Variants in NUBPL observed in about 807,000 individuals in gnomAD.
NUBPL encodes the protein NUBP iron-sulfur cluster assembly factor, mitochondrial.
NUBPL carries 31 observed loss-of-function variants against 45.7 expected under a neutral mutation model. That is an observed-to-expected ratio of 0.68 (90% CI 0.51 to 0.92). The LOEUF (loss-of-function observed/expected upper bound fraction) is 0.92. NUBPL is among the 40% of genes least tolerant of loss of function. The pLI is 0.00. For synonymous variants in NUBPL, 144 were observed against 140.9 expected, an observed-to-expected ratio of 1.02 and a Z score of -0.15; for missense variants, 401 against 398.7, an observed-to-expected ratio of 1.01 and a Z score of -0.05.
intron 4 of NUBPL, among the ~76,000 whole-genome samples, chr14:31,627,032 ATT>A (rs2035222196): frequency 6.6e-6 from 1 of 152,194 alleles, no homozygotes; most frequent in Non-Finnish European, 1.5e-5. Flanking sequence ...GGGAGGAGCT[ATT>A]GGTAGTTGTT....
intron 3 of NUBPL, among the ~76,000 whole-genome samples, chr14:31,567,120 A>G (rs2033455530): frequency 6.6e-6 from 1 of 152,196 alleles, no homozygotes; most frequent in Non-Finnish European, 1.5e-5. Context: ...ATAAAATTCC[A>G]GGTTCAAAAT....
intron 4 of NUBPL, among the ~76,000 whole-genome samples, chr14:31,616,181 A>ATTAAGAAAACCC (rs1368728019): frequency 1.3e-5 from 2 of 152,226 alleles, no homozygotes; most frequent in African/African-American, 2.4e-5. Context: ...GATTCTGCAT[A>ATTAAGAAAACCC]TTAGCCCTTT....
chr14:31,817,795 A>T (rs940760356), intron 7 of NUBPL, among the ~76,000 whole-genome samples: 1 of 152,196 alleles, frequency 6.6e-6, no homozygotes, highest in Non-Finnish European at 1.5e-5. Flanking sequence ...GACAGCATCA[A>T]ATTCACAAAT....
intron 6 of NUBPL, among the ~76,000 whole-genome samples, chr14:31,704,878 TTGTG>T: frequency 6.6e-6 from 1 of 152,186 alleles, no homozygotes; most frequent in Non-Finnish European, 1.5e-5. Context: ...CCGCGGACCC[TTGTG>T]CTGAGTGTTA....
At chr14:31,683,018 CTTTT>C (rs34251298) in intron 6 of NUBPL, among the ~76,000 whole-genome samples, 1 of 134,050 alleles carries the variant, frequency 7.5e-6, no homozygotes. Context: ...TGCTAGGTTC[CTTTT>C]TTTTTTTTTT....
intron 4 of NUBPL, among the ~76,000 whole-genome samples, chr14:31,669,801 T>C (rs2036528072): frequency 1.7e-5 from 1 of 57,208 alleles, no homozygotes; most frequent in Admixed American, 2.1e-4. Context: ...ATCTTGGTTT[T>C]TTTTTTTGTT....
intron 6 of NUBPL, among the ~76,000 whole-genome samples, chr14:31,701,984 G>A (rs994854586): frequency 7.2e-5 from 11 of 152,206 alleles, no homozygotes; most frequent in African/African-American, 2.7e-4. Flanking sequence ...TAGTCCCCAT[G>A]AGACTGCCCT....
At chr14:31,754,262 C>G (rs546747208) in intron 6 of NUBPL, among the ~76,000 whole-genome samples, 2 of 152,212 alleles carry the variant, frequency 1.3e-5, no homozygotes, top group East Asian at 3.9e-4. Context: ...AAGATCTAGG[C>G]AGCAATTATC....
intron 7 of NUBPL, among the ~76,000 whole-genome samples, chr14:31,816,387 C>G (rs1462016033): frequency 2.0e-5 from 3 of 152,100 alleles, no homozygotes; most frequent in Non-Finnish European, 2.9e-5. Flanking sequence ...TCCCCTTTAT[C>G]ATTTTTTATT....
intron 3 of NUBPL, among the ~76,000 whole-genome samples, chr14:31,573,782 T>C (rs762604352): frequency 6.6e-5 from 10 of 152,256 alleles, no homozygotes; most frequent in Non-Finnish European, 5.9e-5. Flanking sequence ...TTCTCTGCTA[T>C]GGTGCCTTGA....
chr14:31,569,046 G>A (rs1292776767), intron 3 of NUBPL, among the ~76,000 whole-genome samples: 1 of 152,128 alleles, frequency 6.6e-6, no homozygotes, highest in Non-Finnish European at 1.5e-5. Context: ...TATTGAGGAT[G>A]TATGCCCAAA....
intron 4 of NUBPL, among the ~76,000 whole-genome samples, chr14:31,671,463 T>C (rs191353287): frequency 6.6e-6 from 1 of 152,320 alleles, no homozygotes; most frequent in East Asian, 1.9e-4. Context: ...AGCAAGTTTG[T>C]TTCCAAATTA....
At chr14:31,563,799 T>C (rs2033363631) in intron 2 of NUBPL, among the ~76,000 whole-genome samples, 1 of 152,212 alleles carries the variant, frequency 6.6e-6, no homozygotes, top group Non-Finnish European at 1.5e-5. Context: ...TGCCTTAAAG[T>C]TGTATTATGT....
intron 6 of NUBPL, among the ~76,000 whole-genome samples, chr14:31,739,202 C>CTA (rs1231527068): frequency 5.2e-5 from 7 of 135,078 alleles, no homozygotes; most frequent in Admixed American, 2.5e-4. Context: ...ATATTATATT[C>CTA]TATATATATA....
At position 31,588,607 on chromosome 14, in the gene NUBPL, T is replaced by A. The variant is rs550710546; in HGVS notation, c.292-10682T>A. 1.5e-3 allele frequency among the ~76,000 whole-genome samples: 224 copies of A among 152,048 alleles called. 1 individual carries two copies. Among genetic ancestry groups the A allele is most frequent in the East Asian group, 0.01 (52 of 5,180 alleles). ...GCCTTTAATATGTTAATTTTTTTTT[T>A]TTAAATCCTTAAAAATAGTAATCAC... is the stretch of plus-strand genomic sequence containing the variant. On this transcript the variant is annotated intron_variant, in intron 3 of 10. Transcript: ENST00000281081.
intron 7 of NUBPL, among the ~76,000 whole-genome samples, chr14:31,824,893 G>C (rs947573513): frequency 2.6e-5 from 4 of 151,958 alleles, no homozygotes; most frequent in Non-Finnish European, 4.4e-5. Flanking sequence ...TCTATATTAT[G>C]TTTATGTTAA....
chr14:31,822,179 G>T (rs1196565986), intron 7 of NUBPL, among the ~76,000 whole-genome samples: 1 of 152,028 alleles, frequency 6.6e-6, no homozygotes, highest in Non-Finnish European at 1.5e-5. Context: ...TTAAAATATC[G>T]AAAAGTTTAA....
chr14:31,803,828 G>A (rs1424509422), intron 7 of NUBPL, among the ~76,000 whole-genome samples: 1 of 152,184 alleles, frequency 6.6e-6, no homozygotes, highest in African/African-American at 2.4e-5. Flanking sequence ...AATTCAGTTT[G>A]AAACTTCAGC....
intron 7 of NUBPL, among the ~76,000 whole-genome samples, chr14:31,795,167 A>G (rs2039459568): frequency 6.6e-6 from 1 of 150,940 alleles, no homozygotes. Flanking sequence ...AGGTAGTGTG[A>G]TGCCTCCAGC....
Sources: allele counts gnomAD v4.1 joint callset (sites outside exome capture counted in the v4.1 genomes callset), GRCh38; gene constraint gnomAD v4.1.1; transcripts MANE v1.5; gene names NCBI Gene and HGNC (gene_info 2026-07-23, HGNC 2026-07-21).